Variants in RBMS2 observed in about 807,000 individuals in gnomAD.
The protein encoded by RBMS2 is RNA-binding motif, single-stranded-interacting protein 2.
A neutral mutation model predicts 58.4 loss-of-function variants in RBMS2; 38 were observed. The ratio of observed to expected loss-of-function variants is 0.65; its 90% CI spans 0.50 to 0.85. The LOEUF is 0.85. RBMS2 is among the 40% of genes least tolerant of loss of function. The probability of loss-of-function intolerance (pLI) is 0.00; values close to 1 mark genes in which losing one functional copy is unlikely to be tolerated. For synonymous variants in RBMS2, 151 were observed against 180.7 expected (o/e 0.84, Z 1.32); for missense variants, 367 against 503.7 (o/e 0.73, Z 2.60).
intron 5 of RBMS2, among the ~76,000 whole-genome samples, chr12:56,577,142 G>A (rs1370284793): frequency 6.7e-6 from 1 of 150,104 alleles, no homozygotes; most frequent in Non-Finnish European, 1.5e-5. Flanking sequence ...AGTGGCTCAC[G>A]CCCGTAAGCC....
chr12:56,531,477 C>G (rs1295383909), intron 1 of RBMS2, among the ~76,000 whole-genome samples: 1 of 152,088 alleles, frequency 6.6e-6, no homozygotes, highest in African/African-American at 2.4e-5. Context: ...CACATATTAG[C>G]TGTGTGACCA....
chr12:56,529,646 A>C (rs975316300), intron 1 of RBMS2, among the ~76,000 whole-genome samples: 3 of 152,186 alleles, frequency 2.0e-5, no homozygotes, highest in African/African-American at 7.2e-5. Flanking sequence ...ATACTGATAC[A>C]TGCTAAATGT....
At chr12:56,574,819 C>T (rs1381263309) in intron 5 of RBMS2, among the ~76,000 whole-genome samples, 2 of 152,108 alleles carry the variant, frequency 1.3e-5, no homozygotes, top group Non-Finnish European at 2.9e-5. Context: ...ATCTAAATAT[C>T]ATAGCAATCT....
chr12:56,562,665 C>A, intron 2 of RBMS2, 82 bp downstream of exon 2: 2 of 1,445,460 alleles, frequency 1.4e-6, no homozygotes, highest in Non-Finnish European at 1.9e-6. Flanking sequence ...GTTGTCCAGG[C>A]TAGTCTTGAA....
chr12:56,566,418 G>A (rs1053792605), intron 2 of RBMS2, among the ~76,000 whole-genome samples: 1 of 152,236 alleles, frequency 6.6e-6, no homozygotes, highest in East Asian at 1.9e-4. Flanking sequence ...CTTTTTTCTA[G>A]TGGAACGCTT....
At chr12:56,533,508 C>T (rs145317803) in intron 1 of RBMS2, among the ~76,000 whole-genome samples, 286 of 148,796 alleles carry the variant, frequency 1.9e-3, no homozygotes, top group Non-Finnish European at 3.5e-3. Flanking sequence ...TTCCACCTCC[C>T]GGGTTCAGGC....
At chr12:56,570,046 T>C (rs1327487562) in intron 4 of RBMS2, 56 bp downstream of exon 4, 1 of 1,502,724 alleles carries the variant, frequency 6.7e-7, no homozygotes, top group African/African-American at 1.4e-5. Flanking sequence ...AGCACCAAAG[T>C]TCCAGTTCTA....
At chr12:56,581,093 G>T in intron 5 of RBMS2, 91 bp from the exon 6 acceptor site, 1 of 1,057,948 alleles carries the variant, frequency 9.5e-7, no homozygotes, top group Non-Finnish European at 1.5e-6. Context: ...CAGTTGTGGG[G>T]CTGGGAACTT....
At chr12:56,564,983 G>A (rs1444042226) in intron 2 of RBMS2, among the ~76,000 whole-genome samples, 1 of 152,144 alleles carries the variant, frequency 6.6e-6, no homozygotes, top group Non-Finnish European at 1.5e-5. Flanking sequence ...CTGCACCACA[G>A]CCTGGGTGAC....
chr12:56,562,285 G>A lies in RBMS2; in HGVS notation c.67-132G>A, dbSNP rs1427813792. 6.3e-6 allele frequency: 5 copies of A among 795,682 alleles called. No individual in the cohort carries two copies. The African/African-American group carries it at 6.9e-5, about 11-fold the overall frequency. The allele number at this position is 795,682 out of a possible 1,614,324, so 49.3% of individuals were successfully genotyped here. ...AATATAGAGCTAAGGAACAAACTAT[G>A]TGTGTCCAAGTGAGTGCACATTTGT... is the stretch of plus-strand genomic sequence containing the variant. On this transcript the variant is annotated intron_variant, in intron 1 of 13. Coordinates refer to ENST00000262031, the MANE Select transcript of RBMS2 (RefSeq NM_002898.4).
Position 56,582,081 on chromosome 12 carries a change from A to G in RBMS2, c.802A>G (p.Ile268Val). The change falls in exon 9 of 14, where the codon ATC becomes GTC. Residue 268 changes from isoleucine to valine, a missense_variant. Physicochemically the swap from Ile to Val is conservative, Grantham distance 29 (BLOSUM62 3). Around this residue, in one of 3 missense-constraint regions of RBMS2, gnomAD observed 220 missense variants for 261.1 expected, o/e 0.84. Transcript: ENST00000262031. Reference sequence around the variant, plus strand: ...CAGGTTTTACCCAGCCCCCTATAACATCACCCCCAACAGGATGCTTGCTCA... The same window carrying G: ...CAGGTTTTACCCAGCCCCCTATAACGTCACCCCCAACAGGATGCTTGCTCA... ...QNGFYPAPYNITPNRMLAQSA... is the reference protein window; with the variant it reads ...QNGFYPAPYNVTPNRMLAQSA... 1 of 1,612,194 alleles carries G rather than the reference A, an allele frequency of 6.2e-7. No individual in the cohort carries two copies. The highest frequency in any genetic ancestry group is 1.1e-5 in the South Asian group (1 of 90,958).
intron 1 of RBMS2, among the ~76,000 whole-genome samples, chr12:56,529,709 A>G (rs937715272): frequency 2.0e-5 from 3 of 152,252 alleles, no homozygotes; most frequent in Admixed American, 6.5e-5. Context: ...ATAAGAGACT[A>G]CATGTTGTAT....
intron 1 of RBMS2, among the ~76,000 whole-genome samples, chr12:56,523,187 T>C (rs1026022283): frequency 6.6e-6 from 1 of 151,952 alleles, no homozygotes; most frequent in Non-Finnish European, 1.5e-5. Flanking sequence ...CCTGAAGAAA[T>C]ATGGGTAGAG....
chr12:56,526,451 G>C (rs1375787906), intron 1 of RBMS2, among the ~76,000 whole-genome samples: 2 of 152,044 alleles, frequency 1.3e-5, no homozygotes, highest in African/African-American at 2.4e-5. Context: ...TTATTGGCTG[G>C]TGGTAAATAT....
Position 56,589,326 on chromosome 12 carries a change from C to T in RBMS2, c.*193C>T. 7.8e-6 allele frequency: 10 copies of T among 1,287,148 alleles called. No individual in the cohort carries two copies. The highest frequency in any genetic ancestry group is 1.0e-5 in the Non-Finnish European group (10 of 997,810). 79.7% of individuals were successfully genotyped at this position (1,287,148 alleles called of 1,614,324 possible). On this transcript the variant is annotated 3_prime_UTR_variant, in exon 14 of 14. Transcript: ENST00000262031. ...TCTACGTTCCTGCCCTTTACTATTG[C>T]TGATGGAGCCTGGGGGAACCATCAC...
intron 8 of RBMS2, 78 bp from the exon 9 acceptor site, chr12:56,581,981 G>A (rs1177400987): frequency 7.6e-6 from 12 of 1,570,898 alleles, no homozygotes; most frequent in South Asian, 2.2e-5. Flanking sequence ...TCAAGGGAAC[G>A]TTGGCTGTGC....
intron 1 of RBMS2, among the ~76,000 whole-genome samples, chr12:56,529,265 G>A (rs1292146963): frequency 3.9e-5 from 6 of 152,074 alleles, no homozygotes; most frequent in African/African-American, 9.7e-5. Flanking sequence ...AAGGAATGGG[G>A]TACTAGGCTG....
chr12:56,564,840 G>C (rs1881050147), intron 2 of RBMS2, among the ~76,000 whole-genome samples: 1 of 152,102 alleles, frequency 6.6e-6, no homozygotes, highest in Admixed American at 6.6e-5. Flanking sequence ...TGGGTGTGGT[G>C]GTGGGCACCT....
chr12:56,535,494 C>CAAA lies in RBMS2; in HGVS notation c.66+13423_66+13425dup, dbSNP rs59905092. On this transcript the variant is annotated intron_variant, in intron 1 of 13. Coordinates refer to ENST00000262031, the MANE Select transcript of RBMS2 (RefSeq NM_002898.4). ...TGGGTGACAGAGGGAGACTCCATCTCAAAAAAAAAAAAAAAAAAAATTTAT... is the reference window on the plus strand; with the variant it reads ...TGGGTGACAGAGGGAGACTCCATCTCAAAAAAAAAAAAAAAAAAAAAAATTTAT... Among the ~76,000 whole-genome samples, 196 of 97,596 alleles carry CAAA rather than the reference C, an allele frequency of 2.0e-3. 3 individuals are homozygous for CAAA. Among genetic ancestry groups the CAAA allele is most frequent in the Middle Eastern group, 5.1e-3 (1 of 196 alleles). 64.0% of individuals were successfully genotyped at this position (97,596 alleles called of 152,430 possible). A position where few individuals can be genotyped will look rare whatever the true frequency, so the allele number is the denominator to read the frequency against.
Sources: gnomAD v4.1 joint callset for allele counts (sites outside exome capture counted in the v4.1 genomes callset) on GRCh38, gnomAD v4.1.1 for gene constraint, gnomAD v4.1.1 regional missense constraint, MANE v1.5 for transcripts, NCBI Gene and HGNC (gene_info 2026-07-23, HGNC 2026-07-21) for gene names.